The following MYO1D variants were observed in gnomAD, a reference collection of about 807,000 sequenced individuals.
The protein encoded by MYO1D is myosin ID.
In MYO1D, 83 loss-of-function variants were observed where a neutral mutation model predicts 122.0. The ratio of observed to expected loss-of-function variants is 0.68; its 90% CI spans 0.57 to 0.82. The LOEUF (loss-of-function observed/expected upper bound fraction) is 0.82, where lower values mean the gene tolerates loss of function less well. Among genes scored for constraint, MYO1D ranks in the 40% least tolerant of loss-of-function variants. MYO1D has a pLI of 0.00. For synonymous variants in MYO1D, 464 were observed against 446.9 expected (o/e 1.04, Z -0.48); for missense variants, 1,157 against 1,269.5 (o/e 0.91, Z 1.35).
chr17:32,645,039 A>G (rs902751556), intron 19 of MYO1D, among the ~76,000 whole-genome samples: 3 of 152,198 alleles, frequency 2.0e-5, no homozygotes, highest in Non-Finnish European at 4.4e-5. Context: ...ATGTTTTTGC[A>G]GTGGCTGGTA....
At chr17:32,746,717 T>C (rs1036297165) in intron 12 of MYO1D, among the ~76,000 whole-genome samples, 1 of 152,038 alleles carries the variant, frequency 6.6e-6, no homozygotes, top group Admixed American at 6.5e-5. Context: ...TCAGTAAAAA[T>C]CCAGAAAAGG....
At chr17:32,549,931 A>T (rs1412148282) in intron 21 of MYO1D, among the ~76,000 whole-genome samples, 3 of 152,234 alleles carry the variant, frequency 2.0e-5, no homozygotes, top group Non-Finnish European at 4.4e-5. Flanking sequence ...AGTATTATCC[A>T]TCACAAAAAG....
chr17:32,757,750 T>G (rs2089963515), intron 10 of MYO1D, among the ~76,000 whole-genome samples: 1 of 152,172 alleles, frequency 6.6e-6, no homozygotes, highest in Non-Finnish European at 1.5e-5. Flanking sequence ...TTTCAGTTTG[T>G]AAGTTTAATA....
At chr17:32,551,522 C>G (rs2087014829) in intron 21 of MYO1D, among the ~76,000 whole-genome samples, 1 of 149,688 alleles carries the variant, frequency 6.7e-6, no homozygotes, top group Admixed American at 6.8e-5. Flanking sequence ...TACTTTTGCT[C>G]TTTCTCTATG....
intron 21 of MYO1D, among the ~76,000 whole-genome samples, chr17:32,554,106 C>T (rs1017878448): frequency 1.3e-5 from 2 of 152,196 alleles, no homozygotes; most frequent in African/African-American, 4.8e-5. Flanking sequence ...TACAGCCATT[C>T]AGTTGCCTGC....
At position 32,841,417 on chromosome 17, in the gene MYO1D, T is replaced by C. The variant is rs566657868; in HGVS notation, c.95+35361A>G. ...GGGAGGTCAAGACTGCAGTGAGCTATGGTTGTGCCACTGCACTCCAGTTTG... is the reference window on the plus strand; with the variant it reads ...GGGAGGTCAAGACTGCAGTGAGCTACGGTTGTGCCACTGCACTCCAGTTTG... On this transcript the variant is annotated intron_variant, in intron 1 of 21. Coordinates refer to ENST00000318217, the MANE Select transcript of MYO1D (RefSeq NM_015194.3). 9.9e-5 allele frequency among the ~76,000 whole-genome samples: 15 copies of C among 151,720 alleles called. 1 individual carries two copies. The South Asian group carries it at 2.7e-3, about 27-fold the overall frequency.
intron 1 of MYO1D, among the ~76,000 whole-genome samples, chr17:32,848,170 A>G (rs549546671): frequency 6.6e-6 from 1 of 152,368 alleles, no homozygotes; most frequent in South Asian, 2.1e-4. Context: ...GGACCAGGAA[A>G]AATGCTATAA....
chr17:32,775,128 C>G (rs2151025482), intron 4 of MYO1D, among the ~76,000 whole-genome samples: 1 of 152,118 alleles, frequency 6.6e-6, no homozygotes, highest in East Asian at 1.9e-4. Context: ...CAGGGAGACC[C>G]CATCTCTACA....
In MYO1D at chr17:32,494,731, G is replaced by C. The variant is rs1431567635; in HGVS notation, c.*28C>G. On this transcript the variant is annotated 3_prime_UTR_variant, in exon 22 of 22. Transcript: ENST00000318217. Reference sequence around the variant, plus strand: ...GGGACCCAGGACTCGGAGTGTGGCCGGGCTCCGGGCCAGGCCTCCGCGGGG... The same window carrying C: ...GGGACCCAGGACTCGGAGTGTGGCCCGGCTCCGGGCCAGGCCTCCGCGGGG... 9 of 1,560,856 alleles carry C rather than the reference G, an allele frequency of 5.8e-6. No individual in the cohort carries two copies. In the Admixed American group the frequency reaches 9.3e-5, roughly 16 times the overall value.
chr17:32,539,353 A>G (rs545636920), intron 21 of MYO1D, among the ~76,000 whole-genome samples: 26 of 151,364 alleles, frequency 1.7e-4, no homozygotes, highest in African/African-American at 5.8e-4. Flanking sequence ...TTCATTTAAA[A>G]CCCTTTCACT....
intron 8 of MYO1D, among the ~76,000 whole-genome samples, chr17:32,761,929 C>T (rs1352566419): frequency 6.6e-6 from 1 of 152,058 alleles, no homozygotes; most frequent in African/African-American, 2.4e-5. Flanking sequence ...TAGGCAAACA[C>T]AAACATAGTC....
chr17:32,839,431 A>AGC (rs1567666642), intron 1 of MYO1D, among the ~76,000 whole-genome samples: 1 of 152,210 alleles, frequency 6.6e-6, no homozygotes, highest in African/African-American at 2.4e-5. Flanking sequence ...CTGCCAGAGA[A>AGC]TTTAAGTGCT....
At chr17:32,708,924 T>C (rs2089341082) in intron 16 of MYO1D, among the ~76,000 whole-genome samples, 1 of 152,168 alleles carries the variant, frequency 6.6e-6, no homozygotes, top group African/African-American at 2.4e-5. Flanking sequence ...GCACCCTGCA[T>C]TTCTAGAAGC....
chr17:32,655,043 T>TA (rs1406561701), intron 17 of MYO1D, among the ~76,000 whole-genome samples: 1 of 152,156 alleles, frequency 6.6e-6, no homozygotes, highest in Non-Finnish European at 1.5e-5. Context: ...ACTGGCATGC[T>TA]AAAAAAAGTA....
At chr17:32,855,994 A>G (rs998555999) in intron 1 of MYO1D, among the ~76,000 whole-genome samples, 6 of 152,254 alleles carry the variant, frequency 3.9e-5, no homozygotes, top group African/African-American at 1.4e-4. Flanking sequence ...TCAGAATGAC[A>G]GCATTATAAT....
intron 21 of MYO1D, among the ~76,000 whole-genome samples, chr17:32,551,350 CACTT>C (rs1294462599): frequency 2.0e-5 from 3 of 152,182 alleles, no homozygotes; most frequent in African/African-American, 7.2e-5. Context: ...GGAAATGAGT[CACTT>C]ACAAAAGACC....
intron 1 of MYO1D, among the ~76,000 whole-genome samples, chr17:32,835,663 G>A (rs1245950928): frequency 6.6e-6 from 1 of 152,206 alleles, no homozygotes; most frequent in East Asian, 1.9e-4. Context: ...CAGACATCAA[G>A]TCCTTCTGGG....
chr17:32,795,498 T>C (rs914965340), intron 1 of MYO1D, among the ~76,000 whole-genome samples: 11 of 151,734 alleles, frequency 7.2e-5, no homozygotes, highest in Non-Finnish European at 1.2e-4. Context: ...ACAAACACAA[T>C]AGCTTCCTCC....
chr17:32,579,422 T>C (rs1165720977), intron 21 of MYO1D, among the ~76,000 whole-genome samples: 1 of 152,202 alleles, frequency 6.6e-6, no homozygotes, highest in Non-Finnish European at 1.5e-5. Flanking sequence ...TTTTCTTCTA[T>C]ACACAATTCA....
Sources: allele counts gnomAD v4.1 joint callset (sites outside exome capture counted in the v4.1 genomes callset), GRCh38; gene constraint gnomAD v4.1.1; transcripts MANE v1.5; gene names NCBI Gene and HGNC (gene_info 2026-07-23, HGNC 2026-07-21).